MGST1: variants seen among roughly 807,000 people sequenced by gnomAD.
MGST1 encodes the protein glutathione S-transferase 12.
A neutral mutation model predicts 8.9 loss-of-function variants in MGST1; 5 were observed. That is an observed-to-expected ratio of 0.56 (90% confidence interval 0.29 to 1.19). The LOEUF (loss-of-function observed/expected upper bound fraction) is 1.19. Among genes scored for constraint, MGST1 ranks in the 50% most tolerant of loss-of-function variants. The pLI, the probability that MGST1 is intolerant of heterozygous loss-of-function variation, is 0.08. For missense variants in MGST1, 182 were observed against 187.4 expected (o/e 0.97, Z 0.17); for synonymous variants, 54 against 67.8 (o/e 0.80, Z 1.00).
chr12:16,590,670 T>A (rs1257494029), downstream of MGST1, among the ~76,000 whole-genome samples: 4 of 152,088 alleles, frequency 2.6e-5, no homozygotes, highest in Non-Finnish European at 5.9e-5. Context: ...GATCTTACTC[T>A]CATAAATGCT....
intron 1 of MGST1, among the ~76,000 whole-genome samples, chr12:16,386,797 A>T (rs912068213): frequency 2.0e-5 from 3 of 152,164 alleles, no homozygotes; most frequent in African/African-American, 7.2e-5. Context: ...AGCAACTCGT[A>T]AGTTTTAAAT....
At chr12:16,360,213 A>T in intron 3 of MGST1, 1 of 368,796 alleles carries the variant, frequency 2.7e-6, no homozygotes, top group Non-Finnish European at 3.8e-6. Flanking sequence ...ACACTTTTGG[A>T]GACACTTTTC....
Position 16,433,364 on chromosome 12 carries a change from G to T in MGST1, n.779-4024G>T, listed in dbSNP as rs2216203. On this transcript the variant is annotated intron_variant and non_coding_transcript_variant, in intron 1 of 1. Transcript: ENST00000359720. ...ACAGACACACCCAGGAATAATACTTGGCATCCTTCAATCCAATCAAGTTGA... is the reference window on the plus strand; with the variant it reads ...ACAGACACACCCAGGAATAATACTTTGCATCCTTCAATCCAATCAAGTTGA... Among the ~76,000 whole-genome samples, 115 of 151,918 alleles carry T rather than the reference G, an allele frequency of 7.6e-4. 1 individual carries two copies. In the South Asian group the frequency reaches 8.3e-3, roughly 11 times the overall value.
At chr12:16,550,967 A>G in intron 4 of MGST1, 1 of 397,904 alleles carries the variant, frequency 2.5e-6, no homozygotes. Context: ...ATGCCAAGTG[A>G]CACAAAAACG....
At chr12:16,400,530 T>A (rs1200925804) in intron 1 of MGST1, 3 of 852,542 alleles carry the variant, frequency 3.5e-6, no homozygotes, top group Non-Finnish European at 6.1e-6. Flanking sequence ...CTTCTCAAGT[T>A]TTATAACGTT....
intron 1 of MGST1, among the ~76,000 whole-genome samples, chr12:16,407,291 G>A (rs1940703950): frequency 6.6e-6 from 1 of 152,122 alleles, no homozygotes; most frequent in Admixed American, 6.5e-5. Flanking sequence ...CATACATGGG[G>A]CCAACAAGCA....
At chr12:16,592,522 A>G (rs1340267694), downstream of MGST1, among the ~76,000 whole-genome samples, 1 of 152,030 alleles carries the variant, frequency 6.6e-6, no homozygotes, top group African/African-American at 2.4e-5. Context: ...TAACCTGCTC[A>G]TGGAAACTAA....
At chr12:16,590,727 A>G (rs1943467013), downstream of MGST1, among the ~76,000 whole-genome samples, 1 of 152,032 alleles carries the variant, frequency 6.6e-6, no homozygotes, top group Admixed American at 6.6e-5. Flanking sequence ...CTTGAATTTC[A>G]CATTGAAATA....
In MGST1 at chr12:16,528,143, C is replaced by T. The variant is rs191038505; in HGVS notation, n.483-61385C>T. On this transcript the variant is annotated intron_variant and non_coding_transcript_variant, in intron 4 of 4. Coordinates refer to the MGST1 transcript ENST00000538857. ...GATGAATTAACAAAATAATTAATTC[C>T]AAATCGTTTTGGCTTGTTTTCGCCA... 5.8e-3 allele frequency among the ~76,000 whole-genome samples: 883 copies of T among 152,012 alleles called. 3 individuals are homozygous for T. The highest frequency in any genetic ancestry group is 8.2e-3 in the Non-Finnish European group (556 of 67,910).
intron 4 of MGST1, among the ~76,000 whole-genome samples, chr12:16,527,871 T>G (rs1941697447): frequency 6.6e-6 from 1 of 152,024 alleles, no homozygotes; most frequent in Admixed American, 6.6e-5. Flanking sequence ...ATACGCCCCC[T>G]TATTTAATTT....
At chr12:16,426,882 G>T (rs754603834) in intron 1 of MGST1, among the ~76,000 whole-genome samples, 3 of 148,128 alleles carry the variant, frequency 2.0e-5, no homozygotes, top group Non-Finnish European at 4.4e-5. Context: ...TGAGGCAGGA[G>T]AATGGCATGA....
At chr12:16,439,113 TAA>T (rs5796672), downstream of MGST1, among the ~76,000 whole-genome samples, 593 of 144,432 alleles carry the variant, frequency 4.1e-3, 2 homozygotes, top group African/African-American at 0.013. Flanking sequence ...GTAAGACATG[TAA>T]AAAAAAAAAA....
intron 4 of MGST1, among the ~76,000 whole-genome samples, chr12:16,444,675 G>C (rs996127834): frequency 6.6e-6 from 1 of 151,888 alleles, no homozygotes; most frequent in African/African-American, 2.4e-5. Flanking sequence ...TAAGCTGAAG[G>C]GGGAGTGCTG....
rs1941823248 is a variant in MGST1 at position 16,546,304 on chromosome 12, G to A, written n.483-43224G>A. ...TTGTTCCCATTTTAATTTGTACTAT[G>A]GCCACTAAATTTGGTATAGTTAATG... On this transcript the variant is annotated intron_variant and non_coding_transcript_variant, in intron 4 of 4. Coordinates refer to the MGST1 transcript ENST00000538857. This position sits in a 1 kb window ranked among gnomAD's most constrained non-coding sequence, Gnocchi z 4.7. Among the ~76,000 whole-genome samples, 1 of 152,054 alleles carries A rather than the reference G, an allele frequency of 6.6e-6. No homozygotes were observed. Among genetic ancestry groups the A allele is most frequent in the Non-Finnish European group, 1.5e-5 (1 of 67,990 alleles).
chr12:16,580,210 C>T (rs1455564334), intron 4 of MGST1, among the ~76,000 whole-genome samples: 1 of 152,162 alleles, frequency 6.6e-6, no homozygotes, highest in Non-Finnish European at 1.5e-5. Context: ...AAGTGGTCCT[C>T]CCACCTCAAT....
At chr12:16,372,686 C>T (rs1940313560) in intron 3 of MGST1, among the ~76,000 whole-genome samples, 1 of 151,682 alleles carries the variant, frequency 6.6e-6, no homozygotes, top group Non-Finnish European at 1.5e-5. Context: ...GGTGTATATT[C>T]GAAAGAACGG....
rs533765552 is a variant in MGST1, at chr12:16,457,764, C to G, written n.482+74160C>G. Among the ~76,000 whole-genome samples, 174 of 152,030 alleles carry G rather than the reference C, an allele frequency of 1.1e-3. 1 individual carries two copies. The highest frequency in any genetic ancestry group is 4.0e-3 in the African/African-American group (168 of 41,518). ...GGCTATCTTTGTTTAAACTTGCAAG[C>G]TGCTTTGTCAAGGAAAACTGCCTAT... On this transcript the variant is annotated intron_variant and non_coding_transcript_variant, in intron 4 of 4. Transcript: ENST00000538857.
At chr12:16,402,304 C>T (rs571610215) in intron 1 of MGST1, 1 of 1,593,518 alleles carries the variant, frequency 6.3e-7, no homozygotes, top group African/African-American at 1.3e-5. Context: ...TCTTCATCAA[C>T]ACCCACTGAT....
At chr12:16,520,423 G>A (rs902927757) in intron 4 of MGST1, among the ~76,000 whole-genome samples, 2 of 151,882 alleles carry the variant, frequency 1.3e-5, no homozygotes, top group African/African-American at 4.8e-5. Flanking sequence ...GGGTGAGGAA[G>A]CCTAATGATG....
Sources: gnomAD v4.1 joint callset for allele counts (sites outside exome capture counted in the v4.1 genomes callset) on GRCh38, gnomAD v4.1.1 for gene constraint, Gnocchi (gnomAD v3.1) non-coding constraint, MANE v1.5 for transcripts, NCBI Gene and HGNC (gene_info 2026-07-23, HGNC 2026-07-21) for gene names.